The following CDH18 variants were observed in gnomAD, a reference collection of about 807,000 sequenced individuals.
The protein encoded by CDH18 is cadherin-18.
A neutral mutation model predicts 67.9 loss-of-function variants in CDH18; 31 were observed. The observed-to-expected ratio is 0.46, with a 90% confidence interval of 0.34 to 0.62. The LOEUF (loss-of-function observed/expected upper bound fraction) is 0.62, where lower values mean the gene tolerates loss of function less well. Among genes scored for constraint, CDH18 ranks in the 20% least tolerant of loss-of-function variants. The probability of loss-of-function intolerance (pLI) is 0.01; values close to 1 mark genes in which losing one functional copy is unlikely to be tolerated. For synonymous variants in CDH18, 362 were observed against 347.2 expected (o/e 1.04, Z -0.48); for missense variants, 890 against 975.5 (o/e 0.91, Z 1.17).
rs953818129 is a variant in CDH18, at chr5:20,183,227, G to A, written c.-518+72217C>T. ...ACTATTGTTGTTATTGTTATTATTG[G>A]GATAAATTTATTTTTAGAAATCAAA... is the stretch of plus-strand genomic sequence containing the variant. On this transcript the variant is annotated intron_variant, in intron 2 of 14. Coordinates refer to the CDH18 transcript ENST00000507958. Among the ~76,000 whole-genome samples, 37 of 151,926 alleles carry A rather than the reference G, an allele frequency of 2.4e-4. 1 individual carries two copies. The highest frequency in any genetic ancestry group is 1.8e-3 in the Admixed American group (28 of 15,226).
At chr5:20,059,778 T>C (rs1742297485) in intron 2 of CDH18, among the ~76,000 whole-genome samples, 1 of 152,188 alleles carries the variant, frequency 6.6e-6, no homozygotes, top group African/African-American at 2.4e-5. Flanking sequence ...ATATACACCA[T>C]GGATTACTAT....
chr5:20,226,313 T>A (rs759584323), intron 2 of CDH18, among the ~76,000 whole-genome samples: 3 of 152,100 alleles, frequency 2.0e-5, no homozygotes, highest in Admixed American at 6.6e-5. Flanking sequence ...GTCACTGTCA[T>A]GAAAGAGCCA....
intron 1 of CDH18, among the ~76,000 whole-genome samples, chr5:20,327,964 G>T (rs1738765168): frequency 6.6e-6 from 1 of 152,080 alleles, no homozygotes; most frequent in Non-Finnish European, 1.5e-5. Flanking sequence ...ACAACTATGT[G>T]AATATGTGGG....
intron 2 of CDH18, among the ~76,000 whole-genome samples, chr5:19,904,761 T>C (rs1725961163): frequency 6.6e-6 from 1 of 152,214 alleles, no homozygotes. Flanking sequence ...TATTATAATT[T>C]GATTTTGATC....
chr5:19,994,176 G>GA (rs1351893203), intron 2 of CDH18, among the ~76,000 whole-genome samples: 2 of 151,886 alleles, frequency 1.3e-5, no homozygotes, highest in Non-Finnish European at 2.9e-5. Context: ...TTTGTCAACT[G>GA]AATGAATGCA....
chr5:19,891,644 A>T (rs185383736), intron 2 of CDH18, among the ~76,000 whole-genome samples: 130 of 152,242 alleles, frequency 8.5e-4, no homozygotes, highest in African/African-American at 3.0e-3. Flanking sequence ...GATTATATTC[A>T]GGAGAAGATT....
chr5:20,346,194 C>T (rs919176882), intron 1 of CDH18, among the ~76,000 whole-genome samples: 3 of 152,128 alleles, frequency 2.0e-5, no homozygotes, highest in African/African-American at 7.2e-5. Context: ...CCTGTGTTTC[C>T]ACCTGGAGAC....
chr5:19,783,078 C>G (rs1775313731), intron 3 of CDH18, among the ~76,000 whole-genome samples: 1 of 152,154 alleles, frequency 6.6e-6, no homozygotes, highest in Non-Finnish European at 1.5e-5. Context: ...AAGTTCTTTG[C>G]TGCTCTAAGC....
intron 6 of CDH18, among the ~76,000 whole-genome samples, chr5:19,602,647 A>G (rs1161834756): frequency 6.6e-6 from 1 of 152,118 alleles, no homozygotes; most frequent in African/African-American, 2.4e-5. Flanking sequence ...GCCATTGTGG[A>G]GAACAGTATG....
At chr5:20,406,275 C>T (rs1410279903) in intron 1 of CDH18, among the ~76,000 whole-genome samples, 1 of 152,150 alleles carries the variant, frequency 6.6e-6, no homozygotes, top group African/African-American at 2.4e-5. Flanking sequence ...GAGTTCATGT[C>T]CTTTGTCGGG....
intron 1 of CDH18, among the ~76,000 whole-genome samples, chr5:20,277,073 G>A (rs1405513022): frequency 6.6e-6 from 1 of 152,146 alleles, no homozygotes; most frequent in African/African-American, 2.4e-5. Context: ...CTCTGGACCA[G>A]AACTCACTGC....
At chr5:20,271,553 T>C (rs947469239) in intron 1 of CDH18, among the ~76,000 whole-genome samples, 1 of 152,118 alleles carries the variant, frequency 6.6e-6, no homozygotes, top group East Asian at 1.9e-4. Context: ...ATAGGTACAA[T>C]GATTACGTGT....
chr5:19,691,798 T>G (rs924818443), intron 5 of CDH18, among the ~76,000 whole-genome samples: 1 of 151,784 alleles, frequency 6.6e-6, no homozygotes, highest in African/African-American at 2.4e-5. Context: ...AATGACCATA[T>G]TACTAAAATC....
chr5:20,091,377 A>G (rs1580217735), intron 2 of CDH18, among the ~76,000 whole-genome samples: 2 of 151,974 alleles, frequency 1.3e-5, no homozygotes, highest in African/African-American at 2.4e-5. Context: ...TGTAGTCCCA[A>G]CTACTCAGGA....
intron 4 of CDH18, among the ~76,000 whole-genome samples, chr5:19,727,444 T>C (rs1008191320): frequency 7.2e-5 from 11 of 152,120 alleles, no homozygotes; most frequent in Non-Finnish European, 1.6e-4. Context: ...ACACCAAAGA[T>C]GGTCAGCGAA....
chr5:20,111,935 A>C (rs2126347973), intron 2 of CDH18, among the ~76,000 whole-genome samples: 1 of 152,320 alleles, frequency 6.6e-6, no homozygotes, highest in Non-Finnish European at 1.5e-5. Context: ...TCAGTAAAGT[A>C]GTGTTTATTT....
intron 1 of CDH18, among the ~76,000 whole-genome samples, chr5:20,326,955 A>G (rs1419812801): frequency 2.6e-5 from 4 of 152,222 alleles, no homozygotes; most frequent in African/African-American, 9.6e-5. Flanking sequence ...AGAGTGTCAT[A>G]GACGGGTGAA....
chr5:20,066,045 G>C (rs1269281981), intron 2 of CDH18, among the ~76,000 whole-genome samples: 1 of 151,946 alleles, frequency 6.6e-6, no homozygotes, highest in Non-Finnish European at 1.5e-5. Flanking sequence ...AATGTAAAAA[G>C]TATGATGATT....
chr5:19,780,139 A>T (rs1055961871), intron 3 of CDH18, among the ~76,000 whole-genome samples: 1 of 152,130 alleles, frequency 6.6e-6, no homozygotes, highest in Non-Finnish European at 1.5e-5. Context: ...CCATCCACAG[A>T]AGAGTGCATA....
Sources: gnomAD v4.1 joint callset for allele counts (sites outside exome capture counted in the v4.1 genomes callset) on GRCh38, gnomAD v4.1.1 for gene constraint, MANE v1.5 for transcripts, NCBI Gene and HGNC (gene_info 2026-07-23, HGNC 2026-07-21) for gene names.